The following SGCD variants were observed in gnomAD, a reference collection of about 807,000 sequenced individuals.
SGCD encodes the protein delta-sarcoglycan.
SGCD carries 18 observed loss-of-function variants against 36.6 expected under a neutral mutation model. The observed-to-expected ratio is 0.49, with a 90% confidence interval of 0.34 to 0.73. The LOEUF (loss-of-function observed/expected upper bound fraction) is 0.73. Ranked by LOEUF, SGCD falls within the 30% of genes least tolerant of loss-of-function variation. The probability of loss-of-function intolerance (pLI) is 0.01; values close to 1 mark genes in which losing one functional copy is unlikely to be tolerated. For missense variants in SGCD, 387 were observed against 346.7 expected (o/e 1.12, Z -0.92); for synonymous variants, 133 against 130.6 (o/e 1.02, Z -0.12).
rs147521091 is a variant in SGCD at position 156,419,983 on chromosome 5, T to A, written c.192+75306T>A. On this transcript the variant is annotated intron_variant, in intron 3 of 8. Coordinates refer to ENST00000337851, the MANE Select transcript of SGCD (RefSeq NM_000337.6). Reference sequence around the variant, plus strand: ...AGTGGATGGAAGAGCCTAGGAAGACTCTTGTGACATGGCTCTGCCCCTGTC... The same window carrying A: ...AGTGGATGGAAGAGCCTAGGAAGACACTTGTGACATGGCTCTGCCCCTGTC... 5.6e-4 allele frequency among the ~76,000 whole-genome samples: 85 copies of A among 152,160 alleles called. 1 individual carries two copies. The highest frequency in any genetic ancestry group is 5.1e-4 in the Non-Finnish European group (35 of 67,970).
intron 1 of SGCD, among the ~76,000 whole-genome samples, chr5:156,072,083 C>A (rs1281227732): frequency 4.6e-5 from 7 of 152,126 alleles, no homozygotes; most frequent in Non-Finnish European, 1.0e-4. Flanking sequence ...ACTCTTTATC[C>A]AATTTGCCAG....
chr5:156,019,510 G>A (rs1426423886), intron 1 of SGCD, among the ~76,000 whole-genome samples: 1 of 152,138 alleles, frequency 6.6e-6, no homozygotes. Context: ...GTTATCTGCT[G>A]AGAATTTGAT....
At chr5:156,116,735 C>A (rs776505470) in intron 1 of SGCD, among the ~76,000 whole-genome samples, 1 of 152,118 alleles carries the variant, frequency 6.6e-6, no homozygotes, top group Non-Finnish European at 1.5e-5. Flanking sequence ...CCTTCCCATT[C>A]CCCATCTACA....
chr5:156,632,907 T>C (rs576056219), intron 6 of SGCD, among the ~76,000 whole-genome samples: 2 of 152,260 alleles, frequency 1.3e-5, no homozygotes, highest in South Asian at 2.1e-4. Context: ...AGAAACAGAA[T>C]CCACCCCAGC....
intron 4 of SGCD, among the ~76,000 whole-genome samples, chr5:156,530,082 T>C (rs1308122191): frequency 6.6e-6 from 1 of 152,252 alleles, no homozygotes; most frequent in Non-Finnish European, 1.5e-5. Context: ...GTTTTCTTCC[T>C]TGCTTGGTGC....
chr5:156,502,041 T>C lies in SGCD; in HGVS notation c.193-6560T>C, dbSNP rs1183131857. Among the ~76,000 whole-genome samples, 500 of 151,516 alleles carry C rather than the reference T, an allele frequency of 3.3e-3. 1 individual carries two copies. Among genetic ancestry groups the C allele is most frequent in the African/African-American group, 0.011 (470 of 41,356 alleles). ...TGTTCTAGGAATGATATTCTCTCTT[T>C]TTTTTTTTTTTTGTTTGGTTTTTGG... is the stretch of plus-strand genomic sequence containing the variant. On this transcript the variant is annotated intron_variant, in intron 3 of 8. Transcript: ENST00000337851.
At chr5:156,721,240 G>A (rs1162413526) in intron 7 of SGCD, among the ~76,000 whole-genome samples, 1 of 152,182 alleles carries the variant, frequency 6.6e-6, no homozygotes, top group Non-Finnish European at 1.5e-5. Flanking sequence ...GTCAGTATAG[G>A]AGTAATCTGT....
At chr5:156,202,185 T>G (rs550070911) in intron 3 of SGCD, among the ~76,000 whole-genome samples, 491 of 152,340 alleles carry the variant, frequency 3.2e-3, no homozygotes, top group Non-Finnish European at 5.7e-3. Context: ...CCATTGATTG[T>G]GGCCCCACTC....
At chr5:156,053,145 G>T (rs190596930) in intron 1 of SGCD, among the ~76,000 whole-genome samples, 1 of 146,872 alleles carries the variant, frequency 6.8e-6, no homozygotes, top group Admixed American at 6.8e-5. Flanking sequence ...GGCACTGCCA[G>T]TTGGGGCATT....
At chr5:155,967,593 G>T (rs1013365101) in intron 1 of SGCD, among the ~76,000 whole-genome samples, 1 of 151,956 alleles carries the variant, frequency 6.6e-6, no homozygotes, top group Non-Finnish European at 1.5e-5. Context: ...TGTGAAGAAA[G>T]TAAATGCCTC....
rs190320193 is a variant in SGCD at position 156,219,027 on chromosome 5, A to G, written c.-44+95008A>G. On this transcript the variant is annotated intron_variant, in intron 3 of 9. Transcript: ENST00000517913. ...AAATGTGTCATCACCTCAAAGGAGAAGAGATGTTCATAAGGAAGAAATTAA... is the reference window on the plus strand; with the variant it reads ...AAATGTGTCATCACCTCAAAGGAGAGGAGATGTTCATAAGGAAGAAATTAA... Among the ~76,000 whole-genome samples, 9 of 152,280 alleles carry G rather than the reference A, an allele frequency of 5.9e-5. No individual in the cohort carries two copies. In the East Asian group the frequency reaches 1.7e-3, roughly 29 times the overall value.
intron 7 of SGCD, among the ~76,000 whole-genome samples, chr5:156,733,925 G>A (rs987172635): frequency 1.3e-5 from 2 of 151,942 alleles, no homozygotes; most frequent in Non-Finnish European, 2.9e-5. Context: ...AATGGATCTT[G>A]GTTCTGTATT....
At chr5:156,274,282 A>G (rs868238201) in intron 3 of SGCD, among the ~76,000 whole-genome samples, 3 of 152,160 alleles carry the variant, frequency 2.0e-5, no homozygotes, top group Non-Finnish European at 4.4e-5. Context: ...AAAAATATAA[A>G]TAACAAGAGG....
At chr5:156,546,471 A>C (rs1333946703) in intron 4 of SGCD, among the ~76,000 whole-genome samples, 1 of 152,208 alleles carries the variant, frequency 6.6e-6, no homozygotes, top group Non-Finnish European at 1.5e-5. Context: ...ACCATGGTAG[A>C]TTCTATGGAA....
chr5:156,056,516 A>G (rs554319759), intron 1 of SGCD, among the ~76,000 whole-genome samples: 1 of 144,608 alleles, frequency 6.9e-6, no homozygotes, highest in Admixed American at 6.9e-5. Flanking sequence ...AATCTGGCTC[A>G]GCTAGTTCTG....
At chr5:155,767,042 C>T in the SGCD span, among the ~76,000 whole-genome samples, 2 of 152,160 alleles carry the variant, frequency 1.3e-5, no homozygotes, top group Non-Finnish European at 1.5e-5. Context: ...GTGGTCTGTC[C>T]CTATCCAGGT....
chr5:156,677,883 C>T (rs1753577425), intron 7 of SGCD, among the ~76,000 whole-genome samples: 1 of 152,166 alleles, frequency 6.6e-6, no homozygotes, highest in Admixed American at 6.5e-5. Context: ...TCCTGATTAA[C>T]TAGAAATAGC....
the SGCD span, among the ~76,000 whole-genome samples, chr5:155,862,008 G>A: frequency 6.6e-6 from 1 of 151,970 alleles, no homozygotes; most frequent in Non-Finnish European, 1.5e-5. Flanking sequence ...AAGAATGTAA[G>A]CAGCGTGGGT....
intron 5 of SGCD, 52 bp from the exon 6 acceptor site, chr5:156,594,880 T>C (rs1433039530): frequency 3.2e-6 from 4 of 1,240,466 alleles, no homozygotes; most frequent in East Asian, 4.8e-5. Flanking sequence ...GTGTTTTCTC[T>C]CTCTCTCTCT....
Sources: allele counts gnomAD v4.1 joint callset (sites outside exome capture counted in the v4.1 genomes callset), GRCh38; gene constraint gnomAD v4.1.1; transcripts MANE v1.5; gene names NCBI Gene and HGNC (gene_info 2026-07-23, HGNC 2026-07-21).